The following SERPINB11 variants were observed in gnomAD, a reference collection of about 807,000 sequenced individuals.
SERPINB11 encodes serpin B11.
SERPINB11 carries 32 observed loss-of-function variants against 36.7 expected under a neutral mutation model. The observed-to-expected ratio is 0.87, with a 90% CI of 0.66 to 1.17. SERPINB11 has a LOEUF of 1.17. SERPINB11 is among the 50% of genes most tolerant of loss of function. The pLI is 0.00. For synonymous variants in SERPINB11, 174 were observed against 168.1 expected, an observed-to-expected ratio of 1.04 and a Z score of -0.27; for missense variants, 528 against 458.4, an observed-to-expected ratio of 1.15 and a Z score of -1.39.
chr18:63,716,633 A>G (rs1347466318), intron 5 of SERPINB11, among the ~76,000 whole-genome samples: 1 of 152,180 alleles, frequency 6.6e-6, no homozygotes, highest in African/African-American at 2.4e-5. Context: ...ATATTGCAGC[A>G]AATTCTAGAT....
At chr18:63,702,355 G>A (rs1914261796), upstream of SERPINB11, 1 of 152,262 alleles carries the variant, frequency 6.6e-6, no homozygotes, top group Admixed American at 6.5e-5. Flanking sequence ...CACTTTAGGA[G>A]GCTGAGGCAG....
rs201428679 is a variant in SERPINB11, at chr18:63,710,350, C to G, written c.157C>G (p.Gln53Glu). Residue 53 changes from glutamine to glutamate, a missense_variant, in exon 2 of 8, where the codon CAA becomes GAA. By Grantham distance (29) the Gln-to-Glu change is conservative. Transcript: ENST00000544088. ...LLGARGETEE[Q>E]LEKVLHFSHT... ...TGGTGCCAGGGGAGAGACTGAAGAG[C>G]AATTGGAGAAGGTATGGAATTCCTC... 6.2e-7 allele frequency: 1 copy of G among 1,611,032 alleles called. No individual in the cohort carries two copies. Among genetic ancestry groups the G allele is most frequent in the Non-Finnish European group, 8.5e-7 (1 of 1,178,740 alleles).
intron 4 of SERPINB11, among the ~76,000 whole-genome samples, chr18:63,714,465 C>T (rs1914613702): frequency 6.6e-6 from 1 of 152,078 alleles, no homozygotes. Flanking sequence ...CCTGATAGGC[C>T]TGGGAGTGCT....
intron 4 of SERPINB11, 79 bp downstream of exon 4, chr18:63,712,772 G>C: frequency 7.0e-7 from 1 of 1,438,666 alleles, no homozygotes; most frequent in Non-Finnish European, 9.7e-7. Context: ...TGAAGAGTGA[G>C]AAGAGTCACA....
intron 4 of SERPINB11, among the ~76,000 whole-genome samples, chr18:63,714,098 G>C (rs1238666727): frequency 6.6e-6 from 1 of 152,072 alleles, no homozygotes; most frequent in Non-Finnish European, 1.5e-5. Flanking sequence ...TGTGTCGGCT[G>C]GTCTGAGAAA....
intron 4 of SERPINB11, among the ~76,000 whole-genome samples, chr18:63,713,214 G>T (rs1264762673): frequency 6.6e-6 from 1 of 152,088 alleles, no homozygotes; most frequent in African/African-American, 2.4e-5. Flanking sequence ...GTCCTATGTA[G>T]TTTTATTGAG....
intron 7 of SERPINB11, among the ~76,000 whole-genome samples, chr18:63,721,221 A>G (rs1914805227): frequency 6.6e-6 from 1 of 152,256 alleles, no homozygotes; most frequent in South Asian, 2.1e-4. Flanking sequence ...ACATGGAAGC[A>G]GAAGTGATAT....
chr18:63,717,774 T>A (rs1014267645), intron 5 of SERPINB11, among the ~76,000 whole-genome samples: 3 of 151,994 alleles, frequency 2.0e-5, no homozygotes, highest in Non-Finnish European at 4.4e-5. Context: ...CTATTTTGCA[T>A]CTTATCTTTC....
At chr18:63,717,155 T>G (rs10048302) in intron 5 of SERPINB11, among the ~76,000 whole-genome samples, 5 of 151,708 alleles carry the variant, frequency 3.3e-5, no homozygotes, top group African/African-American at 4.8e-5. Flanking sequence ...GTTATGTGGG[T>G]TTTTTTTAGG....
chr18:63,717,807 A>T (rs1267820105), intron 5 of SERPINB11, among the ~76,000 whole-genome samples: 1 of 151,932 alleles, frequency 6.6e-6, no homozygotes, highest in African/African-American at 2.4e-5. Context: ...GGTGTCTTAG[A>T]TGAATGGAAG....
intron 5 of SERPINB11, among the ~76,000 whole-genome samples, chr18:63,717,909 T>C (rs2144546517): frequency 1.3e-5 from 2 of 152,176 alleles, no homozygotes; most frequent in Admixed American, 1.3e-4. Context: ...AGAAATCTTG[T>C]CGTGAAAGTA....
chr18:63,709,574 G>A (rs1327963064), intron 1 of SERPINB11, among the ~76,000 whole-genome samples: 1 of 139,852 alleles, frequency 7.2e-6, no homozygotes, highest in Non-Finnish European at 1.6e-5. Context: ...TCGCACCACT[G>A]CACTCCAGTC....
Position 63,710,324 on chromosome 18 carries a change from T to A in SERPINB11, c.131T>A (p.Leu44His). The change falls in exon 2 of 8, where the codon CTT (leucine) becomes CAT (histidine). Residue 44 changes from leucine (L) to histidine (H), a missense_variant. Coordinates refer to ENST00000544088, the MANE Select transcript of SERPINB11 (RefSeq NM_001370475.1). ...SLLYALSMVL[L>H]GARGETEEQL... ...CTTTATGCTCTAAGCATGGTCCTCC[T>A]TGGTGCCAGGGGAGAGACTGAAGAG... 1 of 1,613,582 alleles carries A rather than the reference T, an allele frequency of 6.2e-7. No individual in the cohort carries two copies. Among genetic ancestry groups the A allele is most frequent in the Non-Finnish European group, 8.5e-7 (1 of 1,179,656 alleles).
rs1243042192 is a variant in SERPINB11, at chr18:63,711,407, T to G, written c.228+13T>G. On this transcript the variant is annotated intron_variant, in intron 3 of 7. Transcript: ENST00000544088. Reference sequence around the variant, plus strand: ...GGACTCACCTAAGGTATGATAATATTACTGAGTTGTCAAATGCTCTTTAAC... The same window carrying G: ...GGACTCACCTAAGGTATGATAATATGACTGAGTTGTCAAATGCTCTTTAAC... 2 of 1,565,446 alleles carry G rather than the reference T, an allele frequency of 1.3e-6. No homozygotes were observed. The highest frequency in any genetic ancestry group is 2.2e-5 in the South Asian group (2 of 89,814).
At chr18:63,711,476 G>C in intron 3 of SERPINB11, 82 bp downstream of exon 3, 2 of 1,107,300 alleles carry the variant, frequency 1.8e-6, no homozygotes, top group Middle Eastern at 4.0e-4. Context: ...GAGTAGAAAA[G>C]CTCCTTCTTT....
chr18:63,706,340 A>G (rs915097039), intron 1 of SERPINB11, among the ~76,000 whole-genome samples: 1 of 152,222 alleles, frequency 6.6e-6, no homozygotes, highest in Admixed American at 6.5e-5. Context: ...TAAATTGATG[A>G]CAAACAAGGA....
rs369085630 is a variant in SERPINB11, at chr18:63,723,305, G to T, written c.1085G>T (p.Arg362Ile). The T allele has an allele frequency of 8.1e-5, 130 of 1,613,940 alleles. 1 individual carries two copies. In the African/African-American group the frequency reaches 1.3e-3, roughly 16 times the overall value. The change falls in exon 8 of 8, where the codon AGA (arginine) becomes ATA (isoleucine). Residue 362 changes from arginine to isoleucine, a missense_variant. Arg to Ile is a moderately conservative substitution (Grantham distance 97). Coordinates refer to ENST00000544088, the MANE Select transcript of SERPINB11 (RefSeq NM_001370475.1). ...DSIAVKSLPMRAQFKANHPFL... is the reference protein window; with the variant it reads ...DSIAVKSLPMIAQFKANHPFL... ...ATCGCTGTAAAAAGCCTACCAATGA[G>T]AGCTCAGTTCAAGGCGAACCACCCC...
At chr18:63,712,718 A>C in intron 4 of SERPINB11, 25 bp downstream of exon 4, 1 of 1,603,776 alleles carries the variant, frequency 6.2e-7, no homozygotes, top group Non-Finnish European at 8.5e-7. Flanking sequence ...AAGAGTGATC[A>C]ACAACTTTCT....
chr18:63,716,449 A>G (rs1390909572), intron 5 of SERPINB11, among the ~76,000 whole-genome samples: 1 of 152,142 alleles, frequency 6.6e-6, no homozygotes, highest in East Asian at 1.9e-4. Context: ...ATTGCTAAAC[A>G]TTTCTTAAAT....
Sources: allele counts gnomAD v4.1 joint callset (sites outside exome capture counted in the v4.1 genomes callset), GRCh38; gene constraint gnomAD v4.1.1; transcripts MANE v1.5; gene names NCBI Gene and HGNC (gene_info 2026-07-23, HGNC 2026-07-21).